ZNF37A: variants seen among roughly 807,000 people sequenced by gnomAD.
The protein encoded by ZNF37A is zinc finger protein 37a (KOX 21).
In ZNF37A, 10 loss-of-function variants were observed where a neutral mutation model predicts 12.3. That is an observed-to-expected ratio of 0.82 (90% CI 0.50 to 1.38). ZNF37A has a LOEUF of 1.38. ZNF37A is among the 40% of genes most tolerant of loss of function. The pLI is 0.00. For synonymous variants in ZNF37A, 207 were observed against 223.0 expected, an observed-to-expected ratio of 0.93 and a Z score of 0.64; for missense variants, 580 against 651.2, an observed-to-expected ratio of 0.89 and a Z score of 1.19.
intron 5 of ZNF37A, among the ~76,000 whole-genome samples, chr10:38,099,408 C>T (rs1434805397): frequency 6.6e-6 from 1 of 152,140 alleles, no homozygotes; most frequent in African/African-American, 2.4e-5. Flanking sequence ...TCTTATTTCA[C>T]CTAGCATAAT....
At chr10:38,128,685 A>G (rs193063969), downstream of ZNF37A, among the ~76,000 whole-genome samples, 1 of 152,326 alleles carries the variant, frequency 6.6e-6, no homozygotes, top group East Asian at 1.9e-4. Flanking sequence ...AGTCAGAGAC[A>G]GTAAATTGCA....
At chr10:38,113,205 A>ATTTTTTTTTTTTTTTTTTTTTT (rs71007697) in intron 5 of ZNF37A, among the ~76,000 whole-genome samples, 5 of 75,832 alleles carry the variant, frequency 6.6e-5, no homozygotes, top group Non-Finnish European at 9.4e-5. Context: ...TTAGTCTGTG[A>ATTTTTTTTTTTTTTTTTTTTTT]TTTTTTTTTT....
At chr10:38,134,589 G>A (rs2070081033) in intron 7 of ZNF37A, among the ~76,000 whole-genome samples, 1 of 152,220 alleles carries the variant, frequency 6.6e-6, no homozygotes, top group Non-Finnish European at 1.5e-5. Context: ...GGTATCACCA[G>A]CGGAGGCTGC....
chr10:38,117,100 C>A, intron 7 of ZNF37A: 1 of 861,984 alleles, frequency 1.2e-6, no homozygotes, highest in Non-Finnish European at 1.4e-6. Context: ...CAGAGCAAGA[C>A]TCTGTCTCAA....
chr10:38,131,698 G>A (rs1435955471), intron 7 of ZNF37A, among the ~76,000 whole-genome samples: 2 of 152,032 alleles, frequency 1.3e-5, no homozygotes, highest in Non-Finnish European at 2.9e-5. Flanking sequence ...TTCCTTTTCT[G>A]TTGAATTTTG....
At chr10:38,103,152 G>T (rs1215174340) in intron 5 of ZNF37A, among the ~76,000 whole-genome samples, 2 of 152,056 alleles carry the variant, frequency 1.3e-5, no homozygotes, top group Non-Finnish European at 2.9e-5. Flanking sequence ...CTCTTCGTTA[G>T]TAACTCTTGT....
In ZNF37A at chr10:38,118,516, A is replaced by G; in HGVS notation, c.1365A>G (p.Thr455=). 6.2e-7 allele frequency: 1 copy of G among 1,613,326 alleles called. No individual in the cohort carries two copies. The highest frequency in any genetic ancestry group is 1.7e-5 in the Admixed American group (1 of 59,898). The part of the protein sequence containing the change: ...GKFFCYYSGF[T]EHLRRHTGEK... ...TTTTCTGCTACTACTCCGGTTTCAC[A>G]GAACATCTGAGAAGACACACAGGGG... The change falls in exon 8 of 8, where the codon ACA becomes ACG. Residue 455 remains threonine, a synonymous_variant. Coordinates refer to ENST00000685332, the MANE Select transcript of ZNF37A (RefSeq NM_001324250.3).
chr10:38,113,075 G>A (rs1298074171), intron 5 of ZNF37A, among the ~76,000 whole-genome samples: 2 of 151,928 alleles, frequency 1.3e-5, no homozygotes, highest in South Asian at 2.1e-4. Context: ...CAAAGTGCTG[G>A]GATTACAGGC....
At position 38,119,572 on chromosome 10, in the gene ZNF37A, G is replaced by C; in HGVS notation, c.*735G>C. The C allele has an allele frequency of 4.3e-6, 1 of 230,188 alleles. No homozygotes were observed. The highest frequency in any genetic ancestry group is 7.2e-6 in the Non-Finnish European group (1 of 139,514). The allele number at this position is 230,188 out of a possible 1,614,324, so 14.3% of individuals were successfully genotyped here. On this transcript the variant is annotated 3_prime_UTR_variant, in exon 8 of 8. Transcript: ENST00000685332. ...AGGATATCTAGCAATTTAAGAAAAT[G>C]TGGAAAAAATATTTTTATTGAGAAA...
At chr10:38,144,872 A>G (rs2070231944) in intron 7 of ZNF37A, among the ~76,000 whole-genome samples, 1 of 152,130 alleles carries the variant, frequency 6.6e-6, no homozygotes, top group African/African-American at 2.4e-5. Context: ...ACAAAACTCA[A>G]GAATCAGAGG....
Position 38,117,683 on chromosome 10 carries a change from G to T in ZNF37A, c.532G>T (p.Glu178Ter). ...YTGQKTCKYT[E>*]HGKTCDMSFF... ...AGGACAGAAAACCTGCAAATATACT[G>T]AACATGGGAAAACCTGTGATATGTC... The change falls in exon 8 of 8, where the codon GAA (glutamate) becomes TAA (stop). Residue 178 changes from glutamate (E) to a stop codon, truncating the protein, a stop_gained. Coordinates refer to ENST00000685332, the MANE Select transcript of ZNF37A (RefSeq NM_001324250.3). LOFTEE classifies it low-confidence loss of function (END_TRUNC). The T allele has an allele frequency of 6.2e-7, 1 of 1,613,856 alleles. No individual in the cohort carries two copies. The highest frequency in any genetic ancestry group is 1.1e-5 in the South Asian group (1 of 91,058).
chr10:38,124,392 C>A lies in ZNF37A; in HGVS notation c.*5555C>A, dbSNP rs142368567. The A allele has an allele frequency of 2.2e-4, 34 of 152,194 alleles. No individual in the cohort carries two copies. The highest frequency in any genetic ancestry group is 6.5e-4 in the African/African-American group (27 of 41,534). 9.4% of individuals were successfully genotyped at this position (152,194 alleles called of 1,614,324 possible). On this transcript the variant is annotated 3_prime_UTR_variant, in exon 8 of 8. Coordinates refer to ENST00000685332, the MANE Select transcript of ZNF37A (RefSeq NM_001324250.3). The stretch of plus-strand genomic sequence containing the variant: ...GCACAAAATGTAGAATGACTAAGAC[C>A]TAGTATTTGATAGCACAAGGTTACT...
intron 5 of ZNF37A, among the ~76,000 whole-genome samples, chr10:38,101,823 C>CTTTTT (rs3041908): frequency 6.8e-5 from 9 of 133,160 alleles, no homozygotes; most frequent in African/African-American, 8.3e-5. Flanking sequence ...TTTTATTTTT[C>CTTTTT]TTTTTTTTTT....
rs75525219 is a variant in ZNF37A at position 38,118,957 on chromosome 10, G to GAA, written c.*125_*126dup. ...CAGTATAGAAGAGAACTTAAAGAGG[G>GAA]AAAAAACAATATGAAGATAGGGAAT... is the stretch of plus-strand genomic sequence containing the variant. On this transcript the variant is annotated 3_prime_UTR_variant, in exon 8 of 8. Coordinates refer to ENST00000685332, the MANE Select transcript of ZNF37A (RefSeq NM_001324250.3). The GAA allele has an allele frequency of 1.1e-4, 151 of 1,335,382 alleles. No individual in the cohort carries two copies. The highest frequency in any genetic ancestry group is 5.6e-4 in the South Asian group (25 of 44,434). 82.7% of individuals were successfully genotyped at this position (1,335,382 alleles called of 1,614,324 possible).
intron 7 of ZNF37A, among the ~76,000 whole-genome samples, chr10:38,135,858 C>T (rs956756367): frequency 5.3e-5 from 8 of 152,124 alleles, no homozygotes; most frequent in South Asian, 4.1e-4. Flanking sequence ...ATTCAATTAC[C>T]TCCCACCAGT....
At chr10:38,135,033 T>G (rs144069876) in intron 7 of ZNF37A, among the ~76,000 whole-genome samples, 1 of 152,338 alleles carries the variant, frequency 6.6e-6, no homozygotes, top group African/African-American at 2.4e-5. Context: ...AGGGATTACA[T>G]CTAGCATCCT....
downstream of ZNF37A, among the ~76,000 whole-genome samples, chr10:38,129,663 C>A (rs1304703378): frequency 1.3e-5 from 2 of 152,190 alleles, no homozygotes; most frequent in Non-Finnish European, 2.9e-5. Context: ...TGTTTCTATG[C>A]ATCTCATAAA....
At chr10:38,144,598 A>G (rs1407465241) in intron 7 of ZNF37A, among the ~76,000 whole-genome samples, 1 of 152,216 alleles carries the variant, frequency 6.6e-6, no homozygotes, top group African/African-American at 2.4e-5. Context: ...CAAAGACCCA[A>G]TGAATACACA....
chr10:38,111,418 A>G (rs2068642039), intron 5 of ZNF37A, among the ~76,000 whole-genome samples: 1 of 152,014 alleles, frequency 6.6e-6, no homozygotes, highest in Non-Finnish European at 1.5e-5. Flanking sequence ...CCACCATGGC[A>G]CATGTGTACC....
Sources: allele counts gnomAD v4.1 joint callset (sites outside exome capture counted in the v4.1 genomes callset), GRCh38; gene constraint gnomAD v4.1.1; transcripts MANE v1.5; gene names NCBI Gene and HGNC (gene_info 2026-07-23, HGNC 2026-07-21).